Variants in NID1 observed in about 807,000 individuals in gnomAD.
NID1 encodes nidogen 1.
NID1 carries 76 observed loss-of-function variants against 130.6 expected under a neutral mutation model. The ratio of observed to expected loss-of-function variants is 0.58; its 90% CI spans 0.48 to 0.70. NID1 has a LOEUF of 0.70. NID1 is among the 30% of genes least tolerant of loss of function. NID1 has a pLI of 0.00. For missense variants in NID1, 1,517 were observed against 1,664.8 expected, an observed-to-expected ratio of 0.91 and a Z score of 1.54; for synonymous variants, 665 against 675.1, an observed-to-expected ratio of 0.98 and a Z score of 0.23.
rs6429477 is a variant in NID1, at chr1:236,029,255, C to G, written c.1738+295G>C. Among the ~76,000 whole-genome samples the G allele has an allele frequency of 0.44, 66,764 of 151,698 alleles. 15,908 individuals carry two copies. Among genetic ancestry groups the G allele is most frequent in the African/African-American group, 0.62 (25,828 of 41,382 alleles). ...ATTATATGTTGGGATATTTCATATA[C>G]ATGTAAATAGATAGATGCTGGAGAA... On this transcript the variant is annotated intron_variant, in intron 7 of 19. Coordinates refer to ENST00000264187, the MANE Select transcript of NID1 (RefSeq NM_002508.3).
chr1:236,046,207 C>T (rs896605705), intron 2 of NID1, among the ~76,000 whole-genome samples: 2 of 152,080 alleles, frequency 1.3e-5, no homozygotes, highest in African/African-American at 4.8e-5. Flanking sequence ...CCCTAAGCCT[C>T]GATGTTTGCA....
At chr1:236,032,682 A>G (rs758109751) in intron 5 of NID1, 30 bp from the exon 6 acceptor site, 8 of 1,611,168 alleles carry the variant, frequency 5.0e-6, no homozygotes, top group Non-Finnish European at 6.8e-6. Flanking sequence ...AAGAATATAG[A>G]GATCACTTCC....
chr1:235,992,667 G>T (rs1175421472), intron 13 of NID1, among the ~76,000 whole-genome samples: 1 of 152,114 alleles, frequency 6.6e-6, no homozygotes, highest in East Asian at 1.9e-4. Context: ...CTTCTTGGGG[G>T]CCCAGCACCG....
At chr1:235,990,587 G>GAA (rs1326764164) in intron 14 of NID1, among the ~76,000 whole-genome samples, 2 of 152,244 alleles carry the variant, frequency 1.3e-5, no homozygotes, top group African/African-American at 4.8e-5. Flanking sequence ...ATGCATCTCT[G>GAA]AAGCTTTGAA....
In NID1 at chr1:235,975,933, C is replaced by T. The variant is rs1313833615; in HGVS notation, c.*1934G>A. ...AATCTGGGAGAACAGTTAATAAGCA[C>T]CTTCAGTGGTTTCCACAGTTTAAGA... On this transcript the variant is annotated 3_prime_UTR_variant, in exon 20 of 20. Coordinates refer to ENST00000264187, the MANE Select transcript of NID1 (RefSeq NM_002508.3). The T allele has an allele frequency of 6.6e-6, 1 of 152,480 alleles. No homozygotes were observed. The highest frequency in any genetic ancestry group is 2.4e-5 in the African/African-American group (1 of 41,384). The allele number at this position is 152,480 out of a possible 1,614,324, so 9.4% of individuals were successfully genotyped here. A position where few individuals can be genotyped will look rare whatever the true frequency, so the allele number is the denominator to read the frequency against.
At chr1:236,020,048 A>C (rs75874013) in intron 9 of NID1, among the ~76,000 whole-genome samples, 15,337 of 146,362 alleles carry the variant, frequency 0.1, 1,392 homozygotes, top group East Asian at 0.26. Context: ...AAAAAAAAAA[A>C]AAAAAAAAAA....
intron 7 of NID1, among the ~76,000 whole-genome samples, chr1:236,027,239 C>A (rs1213564806): frequency 1.3e-5 from 2 of 152,138 alleles, no homozygotes; most frequent in African/African-American, 2.4e-5. Context: ...AAACCCTCAA[C>A]TTCCTGTTTT....
chr1:236,053,507 C>G (rs1347194059), intron 1 of NID1, among the ~76,000 whole-genome samples: 2 of 152,130 alleles, frequency 1.3e-5, no homozygotes, highest in South Asian at 2.1e-4. Flanking sequence ...TATCCTTATT[C>G]CTCAGCTGAA....
intron 4 of NID1, among the ~76,000 whole-genome samples, chr1:236,040,019 C>A (rs918891412): frequency 6.6e-6 from 1 of 152,142 alleles, no homozygotes; most frequent in African/African-American, 2.4e-5. Flanking sequence ...ACACAATCTG[C>A]GTTCAAATCT....
intron 15 of NID1, among the ~76,000 whole-genome samples, chr1:235,983,059 G>A (rs1044725359): frequency 1.3e-5 from 2 of 152,150 alleles, no homozygotes; most frequent in African/African-American, 4.8e-5. Flanking sequence ...ATTTTTAGTA[G>A]AGACAGGGTT....
intron 8 of NID1, 144 bp from the exon 9 acceptor site, chr1:236,024,357 T>G: frequency 2.0e-6 from 2 of 984,828 alleles, no homozygotes; most frequent in Non-Finnish European, 3.0e-6. Context: ...CCAATTCCTG[T>G]GTTGCCCTGG....
intron 16 of NID1, among the ~76,000 whole-genome samples, chr1:235,981,204 C>T (rs372565847): frequency 3.3e-5 from 5 of 152,100 alleles, no homozygotes; most frequent in Admixed American, 6.5e-5. Context: ...ATGGATGTGC[C>T]GAAGAAACAC....
At chr1:236,002,240 C>T (rs1461797983) in intron 12 of NID1, among the ~76,000 whole-genome samples, 1 of 152,110 alleles carries the variant, frequency 6.6e-6, no homozygotes, top group Non-Finnish European at 1.5e-5. Flanking sequence ...CGGTGGCTCA[C>T]GCCTGTAATC....
At position 236,032,365 on chromosome 1, in the gene NID1, T is replaced by G. The variant is rs747514470; in HGVS notation, c.1537+36A>C. 7.5e-6 allele frequency: 12 copies of G among 1,606,400 alleles called. No homozygotes were observed. The Middle Eastern group carries it at 5.9e-4, about 79-fold the overall frequency. On this transcript the variant is annotated intron_variant, in intron 6 of 19. Coordinates refer to ENST00000264187, the MANE Select transcript of NID1 (RefSeq NM_002508.3). Reference sequence around the variant, plus strand: ...CCAGGCCTCCCCCTAGGCACTACTGTGTGACCCACTAATTTTAATGTCGGA... The same window carrying G: ...CCAGGCCTCCCCCTAGGCACTACTGGGTGACCCACTAATTTTAATGTCGGA...
chr1:236,029,581 G>T lies in NID1; in HGVS notation c.1707C>A (p.Pro569=). 6.3e-7 allele frequency: 1 copy of T among 1,577,216 alleles called. No individual in the cohort carries two copies. Among genetic ancestry groups the T allele is most frequent in the East Asian group, 2.3e-5 (1 of 43,026 alleles). Residue 569 remains proline (P), a synonymous_variant, in exon 7 of 20, where the codon CCC becomes CCA. Transcript: ENST00000264187. ...IPFGSSVHIE[P]YTELYHYSTS... ...TGGAGTAGTGGTACAGCTCCGTGTA[G>T]GGCTCAATGTGCACGGAGGAGCCGA...
chr1:236,021,263 A>G (rs139104366), intron 9 of NID1, among the ~76,000 whole-genome samples: 5 of 152,328 alleles, frequency 3.3e-5, no homozygotes, highest in African/African-American at 1.2e-4. Context: ...TCTTTGCAGG[A>G]AATACTGGGA....
chr1:236,058,747 G>A (rs543059615), intron 1 of NID1, among the ~76,000 whole-genome samples: 2 of 152,300 alleles, frequency 1.3e-5, no homozygotes, highest in South Asian at 4.2e-4. Context: ...GTAACAGGCT[G>A]CTTTCTGCAA....
chr1:235,994,700 CTT>C (rs11397466), intron 12 of NID1, among the ~76,000 whole-genome samples: 9 of 142,098 alleles, frequency 6.3e-5, no homozygotes, highest in Non-Finnish European at 7.6e-5. Context: ...TCTTCTTCTT[CTT>C]TTTTTTTTTT....
intron 12 of NID1, among the ~76,000 whole-genome samples, chr1:236,009,241 C>T (rs1658338804): frequency 6.6e-6 from 1 of 152,174 alleles, no homozygotes; most frequent in South Asian, 2.1e-4. Context: ...AAAGAGACCT[C>T]TTGCCCTTTC....
Sources: allele counts gnomAD v4.1 joint callset (sites outside exome capture counted in the v4.1 genomes callset), GRCh38; gene constraint gnomAD v4.1.1; transcripts MANE v1.5; gene names NCBI Gene and HGNC (gene_info 2026-07-23, HGNC 2026-07-21).